ABR: variants seen among roughly 807,000 people sequenced by gnomAD.
ABR encodes active breakpoint cluster region-related protein.
ABR carries 35 observed loss-of-function variants against 107.2 expected under a neutral mutation model. That is an observed-to-expected ratio of 0.33 (90% CI 0.25 to 0.43). The LOEUF (loss-of-function observed/expected upper bound fraction) is 0.43. Ranked by LOEUF, ABR falls within the 20% of genes least tolerant of loss-of-function variation. The pLI, the probability that ABR is intolerant of heterozygous loss-of-function variation, is 1.00. For synonymous variants in ABR, 498 were observed against 462.0 expected, an observed-to-expected ratio of 1.08 and a Z score of -1.00; for missense variants, 815 against 1,115.2, an observed-to-expected ratio of 0.73 and a Z score of 3.83.
In ABR at chr17:1,021,666, T is replaced by C. The variant is rs948695114; in HGVS notation, c.1792-8502A>G. Among the ~76,000 whole-genome samples, 8 of 150,008 alleles carry C rather than the reference T, an allele frequency of 5.3e-5. 1 individual carries two copies. The highest frequency in any genetic ancestry group is 1.5e-4 in the African/African-American group (6 of 40,544). On this transcript the variant is annotated intron_variant, in intron 16 of 22. Coordinates refer to ENST00000302538, the MANE Select transcript of ABR (RefSeq NM_021962.5). The stretch of plus-strand genomic sequence containing the variant: ...TAAAAATACAAAAATTAGCCAGGCG[T>C]GGTGGCGGGTGCCTGTAATCCCAGC...
chr17:1,036,898 G>A (rs1025229699), intron 16 of ABR, among the ~76,000 whole-genome samples: 1 of 152,178 alleles, frequency 6.6e-6, no homozygotes, highest in African/African-American at 2.4e-5. Context: ...TATTTGCAAT[G>A]TTCAGAGCCT....
chr17:1,184,019 T>C (rs1301125862), upstream of ABR, among the ~76,000 whole-genome samples: 1 of 151,886 alleles, frequency 6.6e-6, no homozygotes, highest in African/African-American at 2.4e-5. Context: ...GAGACCATCC[T>C]GGCCAGCATG....
At chr17:1,140,444 G>A (rs774548005) in intron 1 of ABR, among the ~76,000 whole-genome samples, 2 of 152,328 alleles carry the variant, frequency 1.3e-5, no homozygotes, top group Admixed American at 6.5e-5. Context: ...CAGCGGAAGC[G>A]AGGCTGCCAC....
intron 1 of ABR, among the ~76,000 whole-genome samples, chr17:1,159,284 G>GA (rs1567840736): frequency 1.8e-4 from 8 of 43,926 alleles, no homozygotes; most frequent in Admixed American, 2.7e-4. Context: ...ACACACGGGA[G>GA]AGGTAAGAAT....
intron 3 of ABR, among the ~76,000 whole-genome samples, chr17:1,097,281 A>C (rs1472708755): frequency 6.6e-6 from 1 of 152,096 alleles, no homozygotes; most frequent in Non-Finnish European, 1.5e-5. Flanking sequence ...GTCAACGAAC[A>C]CTCAGGCTGT....
chr17:1,041,187 G>A (rs1016170849), intron 16 of ABR, among the ~76,000 whole-genome samples: 7 of 151,950 alleles, frequency 4.6e-5, no homozygotes, highest in Non-Finnish European at 1.0e-4. Flanking sequence ...TAAAGTGCTG[G>A]GATTACAGGC....
chr17:1,108,765 G>C (rs1240862082), intron 2 of ABR, among the ~76,000 whole-genome samples: 3 of 152,042 alleles, frequency 2.0e-5, no homozygotes, highest in Non-Finnish European at 4.4e-5. Flanking sequence ...CACCGGTCGG[G>C]GAGGCAGGCC....
rs1597344600 is a variant in ABR at position 1,010,670 on chromosome 17, G to C, written c.2236+59C>G. On this transcript the variant is annotated intron_variant, in intron 20 of 22. Coordinates refer to ENST00000302538, the MANE Select transcript of ABR (RefSeq NM_021962.5). This position sits in a 1 kb window ranked among gnomAD's most constrained non-coding sequence, Gnocchi z 4.1. ...ATTTCTCCTGCTGGTTACTTCTCCG[G>C]GCAGGGAGTCCTGGCTCAGTCTGGC... 13 of 1,589,480 alleles carry C rather than the reference G, an allele frequency of 8.2e-6. No individual in the cohort carries two copies. The East Asian group carries it at 2.0e-4, about 25-fold the overall frequency.
rs1426425216 is a variant in ABR, at chr17:1,200,580, G to C, written c.838+28213C>G. ...CCAGGAATTTCTCAGCCTGATCTTT[G>C]GCCAGTCCAGCTTCATTTTCTCCCC... is the stretch of plus-strand genomic sequence containing the variant. On this transcript the variant is annotated intron_variant, in intron 1 of 22. Coordinates refer to the ABR transcript ENST00000574139. This position sits in a 1 kb window ranked among gnomAD's most constrained non-coding sequence, Gnocchi z 4.1. 6.6e-6 allele frequency among the ~76,000 whole-genome samples: 1 copy of C among 151,860 alleles called. No individual in the cohort carries two copies. Among genetic ancestry groups the C allele is most frequent in the Non-Finnish European group, 1.5e-5 (1 of 67,964 alleles).
rs1041069102 is a variant in ABR, at chr17:1,179,411, C to T, written c.61+256G>A. Among the ~76,000 whole-genome samples, 3 of 151,846 alleles carry T rather than the reference C, an allele frequency of 2.0e-5. No homozygotes were observed. Among genetic ancestry groups the T allele is most frequent in the Non-Finnish European group, 2.9e-5 (2 of 67,940 alleles). ...CCGCCCACGGTCCCCGCCCCCGGAC[C>T]GCAGGAATCCTCTCTGGGGACCCCC... On this transcript the variant is annotated intron_variant, in intron 1 of 22. Transcript: ENST00000302538. The surrounding 1 kb of genome is among the most constrained non-coding windows in gnomAD (Gnocchi z 4.9).
chr17:1,088,858 C>G (rs1261549037), intron 4 of ABR, among the ~76,000 whole-genome samples: 1 of 146,814 alleles, frequency 6.8e-6, no homozygotes, highest in Non-Finnish European at 1.5e-5. Flanking sequence ...CAAAGTGTTG[C>G]TGGGATTATA....
intron 16 of ABR, among the ~76,000 whole-genome samples, chr17:1,044,157 G>A (rs377759861): frequency 1.3e-5 from 2 of 151,938 alleles, no homozygotes; most frequent in African/African-American, 4.8e-5. Flanking sequence ...GGGACCAGGA[G>A]CCAGGGCAGA....
At chr17:1,039,180 T>G (rs953360448) in intron 16 of ABR, among the ~76,000 whole-genome samples, 6 of 152,236 alleles carry the variant, frequency 3.9e-5, no homozygotes, top group Admixed American at 2.6e-4. Flanking sequence ...TGGACCGGCT[T>G]CTCTGCATGG....
chr17:1,062,053 G>T (rs115425030), intron 10 of ABR, among the ~76,000 whole-genome samples: 2,249 of 152,270 alleles, frequency 0.015, 46 homozygotes, highest in African/African-American at 0.051. Context: ...GGGCGTGGGT[G>T]TCAGAGAAGC....
chr17:1,186,433 G>C (rs1013935794), intron 1 of ABR, among the ~76,000 whole-genome samples: 2 of 152,176 alleles, frequency 1.3e-5, no homozygotes, highest in African/African-American at 4.8e-5. Flanking sequence ...CCTGCTCCCC[G>C]GGGAGCTGCA....
At chr17:1,072,303 C>T (rs1372200951) in intron 8 of ABR, among the ~76,000 whole-genome samples, 1 of 152,216 alleles carries the variant, frequency 6.6e-6, no homozygotes, top group Non-Finnish European at 1.5e-5. Flanking sequence ...GGCTGAAAAC[C>T]TCTCCTTGGC....
Position 1,212,042 on chromosome 17 carries a change from G to A in ABR, c.838+16751C>T, listed in dbSNP as rs544960547. ...GGTTGCAGTGAGCCGAGATTGCACCGCTGCACTCTAGCCTAGGCGACAAGA... is the reference window on the plus strand; with the variant it reads ...GGTTGCAGTGAGCCGAGATTGCACCACTGCACTCTAGCCTAGGCGACAAGA... On this transcript the variant is annotated intron_variant, in intron 1 of 22. Coordinates refer to the ABR transcript ENST00000574139. Among the ~76,000 whole-genome samples the A allele has an allele frequency of 3.6e-3, 548 of 150,832 alleles. 4 individuals are homozygous for A. Among genetic ancestry groups the A allele is most frequent in the African/African-American group, 0.013 (529 of 40,840 alleles).
At chr17:1,219,035 CTGTTTGTT>C (rs562534709) in intron 1 of ABR, among the ~76,000 whole-genome samples, 79 of 145,298 alleles carry the variant, frequency 5.4e-4, no homozygotes, top group South Asian at 6.6e-4. Context: ...CCTTTTCTAT[CTGTTTGTT>C]TGTTTGTTTG....
At chr17:1,102,436 C>T (rs1432972206) in intron 2 of ABR, among the ~76,000 whole-genome samples, 1 of 152,184 alleles carries the variant, frequency 6.6e-6, no homozygotes, top group Non-Finnish European at 1.5e-5. Flanking sequence ...AAAATGAACT[C>T]ACTCCCCTAG....
Sources: gnomAD v4.1 joint callset for allele counts (sites outside exome capture counted in the v4.1 genomes callset) on GRCh38, gnomAD v4.1.1 for gene constraint, Gnocchi (gnomAD v3.1) non-coding constraint, MANE v1.5 for transcripts, NCBI Gene and HGNC (gene_info 2026-07-23, HGNC 2026-07-21) for gene names.